Variants in KBTBD12 observed in about 807,000 individuals in gnomAD.
KBTBD12 encodes the protein kelch repeat and BTB domain containing 12, also known as kelch repeat and BTB domain-containing protein 12.
KBTBD12 carries 53 observed loss-of-function variants against 58.7 expected under a neutral mutation model. The observed-to-expected ratio is 0.90, with a 90% CI of 0.72 to 1.14. KBTBD12 has a LOEUF of 1.14. Ranked by LOEUF, KBTBD12 falls within the 50% of genes most tolerant of loss-of-function variation. The pLI is 0.00. For synonymous variants in KBTBD12, 236 were observed against 259.8 expected, an observed-to-expected ratio of 0.91 and a Z score of 0.88; for missense variants, 704 against 751.3, an observed-to-expected ratio of 0.94 and a Z score of 0.74.
chr3:127,938,429 T>C (rs1011313386), intron 4 of KBTBD12, among the ~76,000 whole-genome samples: 1 of 151,872 alleles, frequency 6.6e-6, no homozygotes, highest in African/African-American at 2.4e-5. Flanking sequence ...ACTAAGAGAA[T>C]ACAGAGTATA....
At chr3:127,973,669 G>A (rs1940725230) in intron 5 of KBTBD12, among the ~76,000 whole-genome samples, 1 of 151,956 alleles carries the variant, frequency 6.6e-6, no homozygotes, top group African/African-American at 2.4e-5. Flanking sequence ...TATGGGGTGG[G>A]GACATAAAGA....
In KBTBD12 at chr3:127,976,138, C is replaced by G. The variant is rs185115510; in HGVS notation, c.1691-7959C>G. Among the ~76,000 whole-genome samples, 13 of 152,240 alleles carry G rather than the reference C, an allele frequency of 8.5e-5. 1 individual carries two copies. The East Asian group carries it at 2.1e-3, about 25-fold the overall frequency. ...ACATCACACAATTTACACCTAAATA[C>G]CCAGTGTGTAGAATCTGAATATTTT... On this transcript the variant is annotated intron_variant, in intron 5 of 5. Coordinates refer to ENST00000405109, the MANE Select transcript of KBTBD12 (RefSeq NM_207335.4).
chr3:127,927,500 C>A (rs960894962), intron 2 of KBTBD12, among the ~76,000 whole-genome samples: 1 of 152,060 alleles, frequency 6.6e-6, no homozygotes, highest in Admixed American at 6.6e-5. Flanking sequence ...AAGGCTACTC[C>A]TGGAAAATCT....
intron 4 of KBTBD12, among the ~76,000 whole-genome samples, chr3:127,944,350 T>C (rs1479077172): frequency 6.6e-6 from 1 of 151,040 alleles, no homozygotes; most frequent in Non-Finnish European, 1.5e-5. Context: ...TGTATCTTAT[T>C]TTTTTTCATC....
At chr3:127,925,816 A>G (rs976065487) in intron 2 of KBTBD12, among the ~76,000 whole-genome samples, 5 of 152,166 alleles carry the variant, frequency 3.3e-5, no homozygotes, top group Admixed American at 3.3e-4. Flanking sequence ...AAAATCTCCT[A>G]GCACTACTGA....
At chr3:127,960,798 C>T (rs1042516577) in intron 4 of KBTBD12, among the ~76,000 whole-genome samples, 9 of 152,222 alleles carry the variant, frequency 5.9e-5, no homozygotes, top group Non-Finnish European at 1.2e-4. Context: ...TGTGAACTGC[C>T]TGCCAACCAA....
intron 1 of KBTBD12, among the ~76,000 whole-genome samples, chr3:127,919,062 AC>A (rs1939333956): frequency 6.6e-6 from 1 of 151,968 alleles, no homozygotes. Flanking sequence ...AAAGTGTAAG[AC>A]CCTGCTCCTG....
rs188389769 is a variant in KBTBD12, at chr3:127,943,031, G to A, written c.1492+12748G>A. On this transcript the variant is annotated intron_variant, in intron 4 of 5. Coordinates refer to ENST00000405109, the MANE Select transcript of KBTBD12 (RefSeq NM_207335.4). ...GAACTCACCACTTTGAAAACAGCAC[G>A]AAGCCATTTATGAAGGATATGTCTC... Among the ~76,000 whole-genome samples, 45 of 152,198 alleles carry A rather than the reference G, an allele frequency of 3.0e-4. No homozygotes were observed. The East Asian group carries it at 8.1e-3, about 27-fold the overall frequency.
Position 127,923,865 on chromosome 3 carries a change from C to G in KBTBD12, c.804C>G (p.Arg268=). 6.2e-7 allele frequency: 1 copy of G among 1,613,936 alleles called. No homozygotes were observed. The highest frequency in any genetic ancestry group is 8.5e-7 in the Non-Finnish European group (1 of 1,179,856). ...CCCAACAGCACTCTCTAAATCTGCGCTATGGTATGGAGACTACCAGTCTTC... is the reference window on the plus strand; with the variant it reads ...CCCAACAGCACTCTCTAAATCTGCGGTATGGTATGGAGACTACCAGTCTTC... ...KTPQQHSLNL[R]YGMETTSLLL... Residue 268 remains arginine (R), a synonymous_variant, in exon 2 of 6, where the codon CGC becomes CGG. Transcript: ENST00000405109.
At position 127,923,166 on chromosome 3, in the gene KBTBD12, C is replaced by T. The variant is rs1450210042; in HGVS notation, c.105C>T (p.Leu35=). The T allele has an allele frequency of 1.9e-6, 3 of 1,613,164 alleles. No individual in the cohort carries two copies. Among genetic ancestry groups the T allele is most frequent in the East Asian group, 2.2e-5 (1 of 44,878 alleles). Residue 35 remains leucine (L), a synonymous_variant, in exon 2 of 6, where the codon CTC becomes CTT. Coordinates refer to ENST00000405109, the MANE Select transcript of KBTBD12 (RefSeq NM_207335.4). ...KELAEMIDVV[L]TAEGEKFPCH... ...TAGCAGAAATGATTGATGTGGTACT[C>T]ACAGCAGAAGGAGAGAAATTTCCTT...
At chr3:127,959,972 T>G (rs908429600) in intron 4 of KBTBD12, among the ~76,000 whole-genome samples, 9 of 152,206 alleles carry the variant, frequency 5.9e-5, no homozygotes, top group African/African-American at 2.2e-4. Context: ...ATTTTTCCCC[T>G]AAGACTGGTT....
chr3:127,930,871 TC>T (rs1939685335), intron 4 of KBTBD12, among the ~76,000 whole-genome samples: 1 of 152,170 alleles, frequency 6.6e-6, no homozygotes, highest in Admixed American at 6.5e-5. Flanking sequence ...TAAAAACAAT[TC>T]CACAACATCC....
At chr3:127,947,777 C>G (rs947503624) in intron 4 of KBTBD12, among the ~76,000 whole-genome samples, 1 of 152,188 alleles carries the variant, frequency 6.6e-6, no homozygotes, top group African/African-American at 2.4e-5. Flanking sequence ...GTCTCTCTTT[C>G]CTTCAGCAGG....
chr3:127,920,658 T>G lies in KBTBD12; in HGVS notation c.-112-2292T>G, dbSNP rs77774934. Among the ~76,000 whole-genome samples, 380 of 152,278 alleles carry G rather than the reference T, an allele frequency of 2.5e-3. 3 individuals carry two copies. The highest frequency in any genetic ancestry group is 8.9e-3 in the African/African-American group (371 of 41,574). The stretch of plus-strand genomic sequence containing the variant: ...ATGTAAAGATTATAAAATTAAACAC[T>G]GTCAAACATTCGTGGCTTAAAGAAA... On this transcript the variant is annotated intron_variant, in intron 1 of 5. Transcript: ENST00000405109.
At chr3:127,978,369 T>G (rs189448013) in intron 5 of KBTBD12, among the ~76,000 whole-genome samples, 1 of 152,346 alleles carries the variant, frequency 6.6e-6, no homozygotes, top group East Asian at 1.9e-4. Flanking sequence ...AGCAGCAATC[T>G]GAGAACTCTG....
intron 5 of KBTBD12, among the ~76,000 whole-genome samples, chr3:127,968,763 C>T (rs1022158663): frequency 4.0e-5 from 6 of 149,970 alleles, no homozygotes; most frequent in East Asian, 1.9e-4. Context: ...ATATATACCT[C>T]GGAACTTAAA....
At chr3:127,940,417 G>A (rs111801068) in intron 4 of KBTBD12, among the ~76,000 whole-genome samples, 19 of 152,164 alleles carry the variant, frequency 1.2e-4, no homozygotes, top group African/African-American at 3.4e-4. Flanking sequence ...GGAACATAAG[G>A]ATAACTGAAT....
chr3:127,965,161 G>A (rs116301044), intron 5 of KBTBD12, among the ~76,000 whole-genome samples: 5,819 of 152,308 alleles, frequency 0.038, 155 homozygotes, highest in South Asian at 0.082. Context: ...TCACGTCTAA[G>A]GATCTAGAAG....
Position 127,984,813 on chromosome 3 carries a change from T to C in KBTBD12, c.*535T>C, listed in dbSNP as rs926297332. 1 of 152,600 alleles carries C rather than the reference T, an allele frequency of 6.6e-6. No individual in the cohort carries two copies. The highest frequency in any genetic ancestry group is 1.5e-5 in the Non-Finnish European group (1 of 68,298). 9.5% of individuals were successfully genotyped at this position (152,600 alleles called of 1,614,324 possible). A position where few individuals can be genotyped will look rare whatever the true frequency, so the allele number is the denominator to read the frequency against. ...ACCAACGCCTGAAAGAATGAGGAGT[T>C]GGACCTGGTCTGTAAGCCAGGGAAT... On this transcript the variant is annotated 3_prime_UTR_variant, in exon 6 of 6. Transcript: ENST00000405109.
Sources: gnomAD v4.1 joint callset for allele counts (sites outside exome capture counted in the v4.1 genomes callset) on GRCh38, gnomAD v4.1.1 for gene constraint, MANE v1.5 for transcripts, NCBI Gene and HGNC (gene_info 2026-07-23, HGNC 2026-07-21) for gene names.